Variants in GLYR1 observed in about 807,000 individuals in gnomAD.
GLYR1 encodes cytokine-like nuclear factor N-PAC.
GLYR1 carries 21 observed loss-of-function variants against 72.7 expected under a neutral mutation model. The ratio of observed to expected loss-of-function variants is 0.29; its 90% CI spans 0.20 to 0.42. The LOEUF (loss-of-function observed/expected upper bound fraction) is 0.42, where lower values mean the gene tolerates loss of function less well. Among genes scored for constraint, GLYR1 ranks in the 10% least tolerant of loss-of-function variants. GLYR1 has a pLI of 1.00. For missense variants in GLYR1, 594 were observed against 712.1 expected, an observed-to-expected ratio of 0.83 and a Z score of 1.89; for synonymous variants, 392 against 270.2, an observed-to-expected ratio of 1.45 and a Z score of -4.42.
chr16:4,846,638 G>C, intron 1 of GLYR1: 1 of 257,424 alleles, frequency 3.9e-6, no homozygotes. Flanking sequence ...CAAAGTCTTG[G>C]TTCGGGCGGT....
At chr16:4,833,030 G>A (rs1255746424) in intron 3 of GLYR1, 118 bp from the exon 4 acceptor site, 13 of 890,296 alleles carry the variant, frequency 1.5e-5, no homozygotes, top group Non-Finnish European at 2.1e-5. Context: ...TTTGCAATAG[G>A]CCTTGCCATT....
Position 4,832,759 on chromosome 16 carries a change from C to T in GLYR1, c.294+15G>A. 1.3e-6 allele frequency: 2 copies of T among 1,596,986 alleles called. No homozygotes were observed. The highest frequency in any genetic ancestry group is 1.7e-6 in the Non-Finnish European group (2 of 1,170,784). On this transcript the variant is annotated intron_variant, in intron 4 of 15. Transcript: ENST00000321919. The stretch of plus-strand genomic sequence containing the variant: ...CAGTCTGGCATTGGTAGAAAGTGAA[C>T]ATTGTGTCTCTCACCTGGTCTTTCC...
intron 3 of GLYR1, among the ~76,000 whole-genome samples, chr16:4,835,600 G>T (rs1288715158): frequency 2.6e-5 from 4 of 152,188 alleles, no homozygotes; most frequent in African/African-American, 9.7e-5. Flanking sequence ...GGAGGCCGAG[G>T]CAGGCAGATC....
At position 4,832,797 on chromosome 16, in the gene GLYR1, T is replaced by G. The variant is rs769412985; in HGVS notation, c.271A>C (p.Arg91=). ...ACCTGGTCTTTCCCTTTGGCTCTCC[T>G]GAGGAACTCTTCGACAGCATCTACC... ...QAVDAVEEFL[R]RAKGKDQTSS... is the part of the protein sequence containing the mutation. Residue 91 remains arginine (R), a synonymous_variant, in exon 4 of 16, where the codon AGG becomes CGG. Coordinates refer to ENST00000321919, the MANE Select transcript of GLYR1 (RefSeq NM_032569.4). 6.2e-7 allele frequency: 1 copy of G among 1,612,414 alleles called. No individual in the cohort carries two copies. The highest frequency in any genetic ancestry group is 8.5e-7 in the Non-Finnish European group (1 of 1,179,280).
intron 6 of GLYR1, 116 bp downstream of exon 6, chr16:4,823,705 T>C (rs935931006): frequency 6.0e-6 from 5 of 832,208 alleles, no homozygotes; most frequent in Admixed American, 2.2e-5. Context: ...TGTACTGTTT[T>C]GTAATAATAA....
rs1003522127 is a variant in GLYR1 at position 4,805,118 on chromosome 16, ATAAAAG to A, written c.*112_*117del. On this transcript the variant is annotated 3_prime_UTR_variant, in exon 16 of 16. Coordinates refer to ENST00000321919, the MANE Select transcript of GLYR1 (RefSeq NM_032569.4). ...GCTGATGGCAAGTCTCAAAGTCTGT[ATAAAAG>A]GAAATGGAGATAGGTGGGCTGGTCC... 1.9e-5 allele frequency: 16 copies of A among 823,014 alleles called. No homozygotes were observed. Among genetic ancestry groups the A allele is most frequent in the South Asian group, 4.3e-5 (3 of 70,152 alleles). The allele number at this position is 823,014 out of a possible 1,614,324, so 51.0% of individuals were successfully genotyped here.
chr16:4,809,083 T>C (rs1386928187), intron 15 of GLYR1, among the ~76,000 whole-genome samples: 1 of 151,622 alleles, frequency 6.6e-6, no homozygotes, highest in East Asian at 1.9e-4. Flanking sequence ...CCCAATTACA[T>C]ACTGTCTATC....
chr16:4,837,184 C>A (rs1257239769), intron 3 of GLYR1, among the ~76,000 whole-genome samples: 2 of 152,146 alleles, frequency 1.3e-5, no homozygotes, highest in Non-Finnish European at 2.9e-5. Context: ...TGCCTGAATC[C>A]CAGCACCTTG....
At chr16:4,820,857 C>T (rs1471650088) in intron 9 of GLYR1, among the ~76,000 whole-genome samples, 1 of 152,198 alleles carries the variant, frequency 6.6e-6, no homozygotes, top group Non-Finnish European at 1.5e-5. Flanking sequence ...CCACCCACAC[C>T]GGGCAGGGTG....
chr16:4,826,019 T>C (rs1358327356), intron 5 of GLYR1, among the ~76,000 whole-genome samples: 1 of 152,056 alleles, frequency 6.6e-6, no homozygotes, highest in Non-Finnish European at 1.5e-5. Flanking sequence ...TTGCTTAAGG[T>C]CACCGAGTCA....
chr16:4,839,397 T>C (rs901928539), intron 3 of GLYR1: 2 of 152,212 alleles, frequency 1.3e-5, no homozygotes, highest in African/African-American at 4.8e-5. Context: ...CTGGCCCCGA[T>C]GAAACTTTTA....
chr16:4,822,823 C>G, intron 7 of GLYR1, 52 bp downstream of exon 7: 1 of 1,453,918 alleles, frequency 6.9e-7, no homozygotes, highest in Non-Finnish European at 9.7e-7. Context: ...AGTGGAGGAG[C>G]ACTCCTTGGC....
At chr16:4,817,832 C>T in intron 9 of GLYR1, 135 bp from the exon 10 acceptor site, 2 of 659,578 alleles carry the variant, frequency 3.0e-6, no homozygotes, top group East Asian at 2.6e-5. Context: ...CAGCAGTGGC[C>T]AATCTACCTG....
chr16:4,807,235 C>T (rs1000896461), intron 15 of GLYR1, among the ~76,000 whole-genome samples: 5 of 151,832 alleles, frequency 3.3e-5, no homozygotes, highest in East Asian at 1.9e-4. Flanking sequence ...TCCCAGCCTC[C>T]GGAGTAGCTG....
rs2083335056 is a variant in GLYR1, at chr16:4,811,805, G to A, written c.1283-3C>T. The A allele has an allele frequency of 1.2e-6, 2 of 1,611,588 alleles. No homozygotes were observed. The highest frequency in any genetic ancestry group is 1.3e-5 in the African/African-American group (1 of 75,004). On this transcript the variant is annotated splice_polypyrimidine_tract_variant and splice_region_variant and intron_variant, in intron 13 of 15. Coordinates refer to ENST00000321919, the MANE Select transcript of GLYR1 (RefSeq NM_032569.4). ...CTTGGCTGCATTGCCCACTTCACCT[G>A]CCCAGGGTAAAGACTCACGGTCACA...
At chr16:4,828,592 C>T (rs550191037) in intron 5 of GLYR1, among the ~76,000 whole-genome samples, 69 of 152,138 alleles carry the variant, frequency 4.5e-4, no homozygotes, top group Non-Finnish European at 8.4e-4. Flanking sequence ...AGACGAGTTC[C>T]TGTAAGCCTG....
At chr16:4,841,158 A>C (rs2085517361) in intron 3 of GLYR1, among the ~76,000 whole-genome samples, 1 of 152,098 alleles carries the variant, frequency 6.6e-6, no homozygotes, top group African/African-American at 2.4e-5. Context: ...TTATATCATC[A>C]CCACCACCAT....
rs1596292975 is a variant in GLYR1, at chr16:4,805,916, G to A, written c.1588-606C>T. On this transcript the variant is annotated intron_variant, in intron 15 of 15. Transcript: ENST00000321919. Reference sequence around the variant, plus strand: ...GAATAGCTTGAACCTGGGAGGCGGAGGTTGCAGTGAGCTGAGATCACACCA... The same window carrying A: ...GAATAGCTTGAACCTGGGAGGCGGAAGTTGCAGTGAGCTGAGATCACACCA... Among the ~76,000 whole-genome samples, 3 of 152,294 alleles carry A rather than the reference G, an allele frequency of 2.0e-5. No individual in the cohort carries two copies. The East Asian group carries it at 5.8e-4, about 29-fold the overall frequency.
intron 3 of GLYR1, among the ~76,000 whole-genome samples, chr16:4,844,300 G>C (rs942222922): frequency 6.6e-6 from 1 of 152,022 alleles, no homozygotes; most frequent in Non-Finnish European, 1.5e-5. Flanking sequence ...CCCAACTTAG[G>C]ACAGATCTGG....
Sources: gnomAD v4.1 joint callset for allele counts (sites outside exome capture counted in the v4.1 genomes callset) on GRCh38, gnomAD v4.1.1 for gene constraint, MANE v1.5 for transcripts, NCBI Gene and HGNC (gene_info 2026-07-23, HGNC 2026-07-21) for gene names.